TNS3: variants seen among roughly 807,000 people sequenced by gnomAD.
TNS3 encodes the protein tensin 3, also known as tensin-3.
A neutral mutation model predicts 140.9 loss-of-function variants in TNS3; 45 were observed. The ratio of observed to expected loss-of-function variants is 0.32; its 90% confidence interval spans 0.25 to 0.41. The LOEUF (loss-of-function observed/expected upper bound fraction) is 0.41. Ranked by LOEUF, TNS3 falls within the 10% of genes least tolerant of loss-of-function variation. TNS3 has a pLI of 1.00. For synonymous variants in TNS3, 815 were observed against 788.4 expected, an observed-to-expected ratio of 1.03 and a Z score of -0.56; for missense variants, 1,716 against 1,906.7, an observed-to-expected ratio of 0.90 and a Z score of 1.86.
In TNS3 at chr7:47,416,644, T is replaced by C. The variant is rs116181543; in HGVS notation, c.474-1438A>G. Among the ~76,000 whole-genome samples, 961 of 152,276 alleles carry C rather than the reference T, an allele frequency of 6.3e-3. 5 individuals are homozygous for C. The highest frequency in any genetic ancestry group is 0.021 in the African/African-American group (892 of 41,570). ...TGGAGACGTGGGGACCCTGTGAGGC[T>C]GATGACCAGACTTCAGTGGACCTCC... On this transcript the variant is annotated intron_variant, in intron 10 of 30. Coordinates refer to ENST00000311160, the MANE Select transcript of TNS3 (RefSeq NM_022748.12).
At chr7:47,303,986 G>C (rs547865287) in intron 21 of TNS3, among the ~76,000 whole-genome samples, 13 of 152,304 alleles carry the variant, frequency 8.5e-5, no homozygotes, top group African/African-American at 3.1e-4. Flanking sequence ...CAGCACCTGT[G>C]GCCACATACA....
intron 16 of TNS3, among the ~76,000 whole-genome samples, chr7:47,374,206 G>GCA (rs1176311196): frequency 2.0e-5 from 3 of 152,206 alleles, no homozygotes; most frequent in African/African-American, 7.2e-5. Context: ...CAGAGATCCA[G>GCA]GGAACATTTG....
At position 47,450,253 on chromosome 7, in the gene TNS3, G is replaced by C. The variant is rs1002134708; in HGVS notation, c.-75-8198C>G. On this transcript the variant is annotated intron_variant, in intron 4 of 30. Transcript: ENST00000311160. ...TAAATGTACCCATTGACTTTAACAGGCTTATCTAAAAGAAGAATAGGATGA... is the reference window on the plus strand; with the variant it reads ...TAAATGTACCCATTGACTTTAACAGCCTTATCTAAAAGAAGAATAGGATGA... 9.9e-5 allele frequency among the ~76,000 whole-genome samples: 15 copies of C among 152,188 alleles called. 1 individual carries two copies. The South Asian group carries it at 1.7e-3, about 17-fold the overall frequency.
chr7:47,442,674 G>A lies in TNS3; in HGVS notation c.-75-619C>T, dbSNP rs557201194. 8.5e-5 allele frequency among the ~76,000 whole-genome samples: 13 copies of A among 152,328 alleles called. No homozygotes were observed. In the East Asian group the frequency reaches 2.1e-3, roughly 25 times the overall value. ...AGGAAATTGGGACTCAAAGAGGGAA[G>A]CGATCTTGTCAGATGGCAGAGGTGA... On this transcript the variant is annotated intron_variant, in intron 4 of 30. Transcript: ENST00000311160.
intron 16 of TNS3, among the ~76,000 whole-genome samples, chr7:47,387,046 T>G (rs561032184): frequency 2.6e-4 from 39 of 152,216 alleles, no homozygotes; most frequent in Non-Finnish European, 4.1e-4. Flanking sequence ...ACAGAGAGAG[T>G]AAGTGACAAT....
intron 3 of TNS3, among the ~76,000 whole-genome samples, chr7:47,491,289 A>G (rs975572356): frequency 3.7e-4 from 56 of 152,224 alleles, no homozygotes; most frequent in African/African-American, 1.3e-3. Context: ...CAAGCCCCAG[A>G]GTGACTGGAC....
chr7:47,389,070 A>T (rs1175869203), intron 16 of TNS3, among the ~76,000 whole-genome samples: 4 of 53,876 alleles, frequency 7.4e-5, no homozygotes, highest in African/African-American at 2.4e-4. Flanking sequence ...GAAGAAGAAG[A>T]AGAAGAAGAA....
intron 23 of TNS3, 79 bp downstream of exon 23, chr7:47,302,107 G>A (rs756270915): frequency 3.8e-4 from 466 of 1,215,284 alleles, no homozygotes; most frequent in Non-Finnish European, 5.2e-4. Context: ...TGTTCCCACC[G>A]CAGGGCCCAT....
chr7:47,497,053 C>T lies in TNS3; in HGVS notation c.-115+9854G>A, dbSNP rs553455648. ...CATATGGAACCACTTTCAGGTGGGC[C>T]TCAGGCTAAGTCTGAGGCACTAATT... On this transcript the variant is annotated intron_variant, in intron 3 of 30. Transcript: ENST00000311160. Among the ~76,000 whole-genome samples the T allele has an allele frequency of 3.3e-3, 366 of 111,514 alleles. 3 individuals carry two copies. Among genetic ancestry groups the T allele is most frequent in the African/African-American group, 0.019 (349 of 18,062 alleles). 73.2% of individuals were successfully genotyped at this position (111,514 alleles called of 152,430 possible). A position where few individuals can be genotyped will look rare whatever the true frequency, so the allele number is the denominator to read the frequency against.
intron 1 of TNS3, among the ~76,000 whole-genome samples, chr7:47,534,542 A>G (rs868778521): frequency 2.0e-5 from 3 of 152,178 alleles, no homozygotes; most frequent in African/African-American, 7.2e-5. Flanking sequence ...AAATCAGATT[A>G]CCTGGAGGTT....
chr7:47,280,952 G>C (rs1287616442), intron 28 of TNS3, among the ~76,000 whole-genome samples: 19 of 151,982 alleles, frequency 1.3e-4, no homozygotes, highest in Admixed American at 1.2e-3. Flanking sequence ...AAGCTGGTAG[G>C]GTGTGAGATG....
intron 17 of TNS3, among the ~76,000 whole-genome samples, chr7:47,347,056 T>C: frequency 6.6e-6 from 1 of 152,200 alleles, no homozygotes; most frequent in East Asian, 1.9e-4. Context: ...TCTTATCATT[T>C]GGCAGTTAGG....
intron 17 of TNS3, among the ~76,000 whole-genome samples, chr7:47,360,776 C>A (rs961357728): frequency 6.6e-6 from 1 of 152,182 alleles, no homozygotes; most frequent in Non-Finnish European, 1.5e-5. Flanking sequence ...ACCTCAGATG[C>A]GCACGCTGCT....
chr7:47,541,577 C>CA (rs1401667063), intron 1 of TNS3, among the ~76,000 whole-genome samples: 1 of 152,104 alleles, frequency 6.6e-6, no homozygotes, highest in East Asian at 1.9e-4. Context: ...ACTTGGAGAT[C>CA]AAAATAGTGA....
intron 16 of TNS3, among the ~76,000 whole-genome samples, chr7:47,386,389 C>G (rs1021679659): frequency 6.6e-6 from 1 of 152,250 alleles, no homozygotes; most frequent in Non-Finnish European, 1.5e-5. Context: ...CCCTGCACTT[C>G]GCATCAGTCT....
chr7:47,503,854 T>C (rs11974349), intron 3 of TNS3, among the ~76,000 whole-genome samples: 53,028 of 151,712 alleles, frequency 0.35, 9,949 homozygotes, highest in African/African-American at 0.49. Flanking sequence ...TCATAGAGGG[T>C]GCCTTCTTGC....
chr7:47,389,103 CGGAAGCAGAAGAAGA>C (rs1562675539), intron 16 of TNS3, among the ~76,000 whole-genome samples: 417 of 16,472 alleles, frequency 0.025, 87 homozygotes, highest in African/African-American at 0.069. Flanking sequence ...GAAGAGGAAG[CGGAAGCAGAAGAAGA>C]AGAAGAAGAA....
chr7:47,440,778 G>A (rs1203951705), intron 5 of TNS3, among the ~76,000 whole-genome samples: 1 of 152,222 alleles, frequency 6.6e-6, no homozygotes, highest in Non-Finnish European at 1.5e-5. Flanking sequence ...CCAGAGGCAT[G>A]GGTGCACGGG....
At chr7:47,283,672 C>A in intron 28 of TNS3, 25 bp downstream of exon 28, 1 of 1,520,996 alleles carries the variant, frequency 6.6e-7, no homozygotes, top group Non-Finnish European at 8.8e-7. Flanking sequence ...TGCTGGACGG[C>A]TCCTGCCTCC....
Sources: allele counts gnomAD v4.1 joint callset (sites outside exome capture counted in the v4.1 genomes callset), GRCh38; gene constraint gnomAD v4.1.1; transcripts MANE v1.5; gene names NCBI Gene and HGNC (gene_info 2026-07-23, HGNC 2026-07-21).